The following NFIB variants were observed in gnomAD, a reference collection of about 807,000 sequenced individuals.
The protein encoded by NFIB is nuclear factor 1 B-type.
In NFIB, 11 loss-of-function variants were observed where a neutral mutation model predicts 61.5. The observed-to-expected ratio is 0.18, with a 90% CI of 0.11 to 0.30. NFIB has a LOEUF of 0.30. NFIB is among the 10% of genes least tolerant of loss of function. NFIB has a pLI of 1.00. For synonymous variants in NFIB, 260 were observed against 216.5 expected (o/e 1.20, Z -1.76); for missense variants, 471 against 608.9 (o/e 0.77, Z 2.38).
intron 2 of NFIB, among the ~76,000 whole-genome samples, chr9:14,240,990 T>C (rs575445980): frequency 4.8e-4 from 73 of 152,370 alleles, no homozygotes; most frequent in African/African-American, 1.6e-3. Flanking sequence ...AGGGCTGTCT[T>C]CATTTTGGTA....
intron 2 of NFIB, chr9:14,204,841 C>T: frequency 2.2e-6 from 1 of 461,056 alleles, no homozygotes; most frequent in East Asian, 4.5e-5. Context: ...GGAAGACCTG[C>T]ACCACTGCTG....
At chr9:14,417,693 G>T in the NFIB span, among the ~76,000 whole-genome samples, 1 of 151,830 alleles carries the variant, frequency 6.6e-6, no homozygotes, top group African/African-American at 2.4e-5. Flanking sequence ...AAATCATCTG[G>T]GGTATTATTT....
At chr9:14,188,189 T>C (rs777661321) in intron 2 of NFIB, among the ~76,000 whole-genome samples, 4 of 152,234 alleles carry the variant, frequency 2.6e-5, no homozygotes, top group Non-Finnish European at 5.9e-5. Flanking sequence ...AATGTGGTAA[T>C]TAAATCAAGA....
chr9:14,090,618 A>T (rs754939682), intron 10 of NFIB, among the ~76,000 whole-genome samples: 117 of 152,096 alleles, frequency 7.7e-4, no homozygotes, highest in Non-Finnish European at 1.4e-3. Context: ...AAATTACAAA[A>T]ATGGTTATAC....
chr9:14,141,005 T>C lies in NFIB; in HGVS notation c.925+5684A>G, dbSNP rs11999734. Among the ~76,000 whole-genome samples the C allele has an allele frequency of 5.3e-3, 811 of 152,278 alleles. 10 individuals are homozygous for C. Among genetic ancestry groups the C allele is most frequent in the African/African-American group, 0.017 (695 of 41,554 alleles). On this transcript the variant is annotated intron_variant, in intron 6 of 10. Coordinates refer to ENST00000380953, the MANE Select transcript of NFIB (RefSeq NM_001190737.2). The stretch of plus-strand genomic sequence containing the variant: ...TTATTTACTGTTACTTATTTCCTGA[T>C]TGAGCACATAATACTAAACTGGCAT...
chr9:14,313,517 C>T lies in NFIB; in HGVS notation c.-6G>A. The T allele has an allele frequency of 1.2e-6, 2 of 1,613,852 alleles. No homozygotes were observed. The highest frequency in any genetic ancestry group is 1.7e-6 in the Non-Finnish European group (2 of 1,179,894). On this transcript the variant is annotated 5_prime_UTR_variant, in exon 1 of 11. Coordinates refer to ENST00000380953, the MANE Select transcript of NFIB (RefSeq NM_001190737.2). This position sits in a 1 kb window ranked among gnomAD's most constrained non-coding sequence, Gnocchi z 4.5. ...CAGATGGGAGAATACATCATGACTT[C>T]GCCTTAAAACGCACTTTCCGGGAGA... is the stretch of plus-strand genomic sequence containing the variant.
At chr9:14,433,136 A>G in the NFIB span, among the ~76,000 whole-genome samples, 1 of 152,136 alleles carries the variant, frequency 6.6e-6, no homozygotes, top group Non-Finnish European at 1.5e-5. Flanking sequence ...TAACATACTT[A>G]CAGTTGACAT....
At chr9:14,109,125 G>A (rs2036976498) in intron 10 of NFIB, among the ~76,000 whole-genome samples, 1 of 152,022 alleles carries the variant, frequency 6.6e-6, no homozygotes, top group Non-Finnish European at 1.5e-5. Context: ...TCACTATGAG[G>A]TAGACCAGAT....
chr9:14,090,796 C>T lies in NFIB; in HGVS notation c.1468-2470G>A, dbSNP rs12553360. 4.8e-3 allele frequency among the ~76,000 whole-genome samples: 723 copies of T among 152,028 alleles called. 16 individuals are homozygous for T. The highest frequency in any genetic ancestry group is 0.04 in the Admixed American group (603 of 15,256). On this transcript the variant is annotated intron_variant, in intron 10 of 10. Coordinates refer to ENST00000380953, the MANE Select transcript of NFIB (RefSeq NM_001190737.2). ...AAGAAAGTCATTTGGAGATTGCATGCTTTAGGGATATAAAGTATATTTTAA... is the reference window on the plus strand; with the variant it reads ...AAGAAAGTCATTTGGAGATTGCATGTTTTAGGGATATAAAGTATATTTTAA...
chr9:14,460,292 C>G, the NFIB span, among the ~76,000 whole-genome samples: 5 of 151,414 alleles, frequency 3.3e-5, no homozygotes, highest in South Asian at 1.0e-3. Flanking sequence ...ACCACATGTT[C>G]TCACTCATAG....
intron 2 of NFIB, among the ~76,000 whole-genome samples, chr9:14,223,760 C>G (rs1170712824): frequency 1.3e-5 from 2 of 152,132 alleles, no homozygotes; most frequent in Non-Finnish European, 2.9e-5. Flanking sequence ...TAGCTCAATT[C>G]CTCTAAATAT....
At chr9:14,434,076 A>G in the NFIB span, among the ~76,000 whole-genome samples, 5 of 152,222 alleles carry the variant, frequency 3.3e-5, no homozygotes, top group African/African-American at 4.8e-5. Flanking sequence ...AATTTGTGGA[A>G]ACACTGCCAT....
At chr9:14,220,021 G>A (rs2131822027) in intron 2 of NFIB, among the ~76,000 whole-genome samples, 1 of 152,176 alleles carries the variant, frequency 6.6e-6, no homozygotes, top group East Asian at 1.9e-4. Flanking sequence ...AAAGCAACAG[G>A]CCCTCGTCCC....
chr9:14,470,093 T>C, the NFIB span, among the ~76,000 whole-genome samples: 1 of 152,224 alleles, frequency 6.6e-6, no homozygotes, highest in Non-Finnish European at 1.5e-5. Context: ...TGTGCCTCAG[T>C]TTATTTATCT....
intron 2 of NFIB, among the ~76,000 whole-genome samples, chr9:14,302,426 C>T (rs965705729): frequency 4.6e-5 from 7 of 152,112 alleles, no homozygotes; most frequent in African/African-American, 1.2e-4. Context: ...ATTATTATAA[C>T]ATTTAACAAT....
chr9:14,162,245 C>T (rs1429388499), intron 3 of NFIB, among the ~76,000 whole-genome samples: 1 of 146,992 alleles, frequency 6.8e-6, no homozygotes. Context: ...GAATTTATCA[C>T]TGATTTTTTT....
chr9:14,453,652 A>G, the NFIB span, among the ~76,000 whole-genome samples: 1 of 152,230 alleles, frequency 6.6e-6, no homozygotes, highest in Non-Finnish European at 1.5e-5. Context: ...ATATTGTCTT[A>G]TGAAAGTAGA....
chr9:14,520,026 T>A, the NFIB span, among the ~76,000 whole-genome samples: 3 of 152,016 alleles, frequency 2.0e-5, no homozygotes, highest in Non-Finnish European at 4.4e-5. Context: ...GGTGAAAATA[T>A]GAAGTCCATA....
chr9:14,263,743 T>C (rs925445576), intron 2 of NFIB, among the ~76,000 whole-genome samples: 1 of 152,204 alleles, frequency 6.6e-6, no homozygotes, highest in Admixed American at 6.5e-5. Context: ...AGTTTAGGGA[T>C]AGCAAAACGA....
Sources: gnomAD v4.1 joint callset for allele counts (sites outside exome capture counted in the v4.1 genomes callset) on GRCh38, gnomAD v4.1.1 for gene constraint, Gnocchi (gnomAD v3.1) non-coding constraint, MANE v1.5 for transcripts, NCBI Gene and HGNC (gene_info 2026-07-23, HGNC 2026-07-21) for gene names.